LTK: variants seen among roughly 807,000 people sequenced by gnomAD.
The protein encoded by LTK is leukocyte receptor tyrosine kinase.
In LTK, 117 loss-of-function variants were observed where a neutral mutation model predicts 101.5. The ratio of observed to expected loss-of-function variants is 1.15; its 90% CI spans 0.99 to 1.34. The LOEUF is 1.34. Ranked by LOEUF, LTK falls within the 40% of genes most tolerant of loss-of-function variation. LTK has a pLI of 0.00. For missense variants in LTK, 1,252 were observed against 1,164.7 expected (o/e 1.07, Z -1.09); for synonymous variants, 563 against 494.2 (o/e 1.14, Z -1.85).
rs1457410399 is a variant in LTK at position 41,507,226 on chromosome 15, G to A, written c.1410C>T (p.Ser470=). Residue 470 remains serine, a synonymous_variant, in exon 11 of 20, where the codon AGC becomes AGT. Coordinates refer to ENST00000263800, the MANE Select transcript of LTK (RefSeq NM_002344.6). Reference sequence around the variant, plus strand: ...TCCTGATGGCAGAGGTTCGAAGCTTGCTCAGCTCAAGCTCAGGGCTCGGCA... The same window carrying A: ...TCCTGATGGCAGAGGTTCGAAGCTTACTCAGCTCAAGCTCAGGGCTCGGCA... ...MRLPSPELEL[S]KLRTSAIRTA... 2 of 1,613,098 alleles carry A rather than the reference G, an allele frequency of 1.2e-6. No homozygotes were observed. The highest frequency in any genetic ancestry group is 2.2e-5 in the East Asian group (1 of 44,882).
Position 41,507,295 on chromosome 15 carries a change from G to A in LTK, c.1346-5C>T, listed in dbSNP as rs1219713297. 1 of 1,591,112 alleles carries A rather than the reference G, an allele frequency of 6.3e-7. No individual in the cohort carries two copies. The highest frequency in any genetic ancestry group is 1.1e-5 in the South Asian group (1 of 89,178). On this transcript the variant is annotated splice_polypyrimidine_tract_variant and splice_region_variant and intron_variant, in intron 10 of 19. Coordinates refer to ENST00000263800, the MANE Select transcript of LTK (RefSeq NM_002344.6). ...CCTGCCACTTCTTCTGCTTCACTGG[G>A]GGTGGGAAGAATAACGGCACACCCT...
At chr15:41,512,319 C>A in intron 3 of LTK, 54 bp from the exon 4 acceptor site, 1 of 1,496,618 alleles carries the variant, frequency 6.7e-7, no homozygotes, top group Non-Finnish European at 9.0e-7. Context: ...CCGGCCGCTC[C>A]GGGCAGAAGT....
In LTK at chr15:41,513,142, C is replaced by T. The variant is rs780799456; in HGVS notation, c.44-22G>A. 1.9e-6 allele frequency: 3 copies of T among 1,572,034 alleles called. No homozygotes were observed. The East Asian group carries it at 6.9e-5, about 36-fold the overall frequency. On this transcript the variant is annotated intron_variant, in intron 1 of 19. Coordinates refer to ENST00000263800, the MANE Select transcript of LTK (RefSeq NM_002344.6). The stretch of plus-strand genomic sequence containing the variant: ...GCGCCTGAAAGGTGTTGGGAGAAGG[C>T]GCAGGACGTTAAGGCGGGTGGAAAT...
chr15:41,513,522 C>G, intron 1 of LTK, 145 bp downstream of exon 1: 2 of 770,944 alleles, frequency 2.6e-6, no homozygotes. Flanking sequence ...GGCCCGCACT[C>G]CAGAAGCACG....
chr15:41,513,744 C>A lies in LTK; in HGVS notation c.-35G>T, dbSNP rs763652243. 3 of 1,598,006 alleles carry A rather than the reference C, an allele frequency of 1.9e-6. No homozygotes were observed. The highest frequency in any genetic ancestry group is 1.3e-5 in the African/African-American group (1 of 74,730). On this transcript the variant is annotated 5_prime_UTR_variant, in exon 1 of 20. Transcript: ENST00000263800. ...GTCCACCCGGCAACAAAAGCCCTTG[C>A]GGTCGCGGCCACACCCCTGTCAACC...
chr15:41,511,973 G>T lies in LTK; in HGVS notation c.511-10C>A. On this transcript the variant is annotated splice_polypyrimidine_tract_variant and intron_variant, in intron 4 of 19. Coordinates refer to ENST00000263800, the MANE Select transcript of LTK (RefSeq NM_002344.6). The surrounding 1 kb of genome is among the most constrained non-coding windows in gnomAD (Gnocchi z 5.9). ...GGCTCTCCGGGCTACCCTGCGGGCA[G>T]CGGGGGAGGGAATCGGCGGGGCCCG... The T allele has an allele frequency of 6.8e-7, 1 of 1,467,096 alleles. No homozygotes were observed. The highest frequency in any genetic ancestry group is 2.5e-5 in the East Asian group (1 of 39,512). 90.9% of individuals were successfully genotyped at this position (1,467,096 alleles called of 1,614,324 possible). A position where few individuals can be genotyped will look rare whatever the true frequency, so the allele number is the denominator to read the frequency against.
rs939981250 is a variant in LTK at position 41,504,994 on chromosome 15, C to T, written c.1996G>A (p.Gly666Arg). 8.1e-6 allele frequency: 13 copies of T among 1,612,710 alleles called. No homozygotes were observed. The highest frequency in any genetic ancestry group is 1.1e-5 in the Non-Finnish European group (13 of 1,179,346). ...PSRVAKIGDF[G>R]MARDIYRASY... is the part of the protein sequence containing the mutation. ...CACCGGTAGATATCTCGTGCCATCC[C>T]AAAGTCCCCAATCTTGGCCACTCGG... Residue 666 changes from glycine (G) to arginine (R), a missense_variant, in exon 16 of 20, where the codon GGG becomes AGG. By Grantham distance (125) the Gly-to-Arg change is moderately radical. Coordinates refer to ENST00000263800, the MANE Select transcript of LTK (RefSeq NM_002344.6).
In LTK at chr15:41,511,697, G is replaced by A; in HGVS notation, c.658-119C>T. 1 of 1,405,776 alleles carries A rather than the reference G, an allele frequency of 7.1e-7. No homozygotes were observed. 87.1% of individuals were successfully genotyped at this position (1,405,776 alleles called of 1,614,324 possible). ...GGGCAGGGGCCCCCAGCCCAGCCCA[G>A]GCCAGCCCAGCCCAGCGCAGGGATA... On this transcript the variant is annotated intron_variant, in intron 5 of 19. Transcript: ENST00000263800. This position sits in a 1 kb window ranked among gnomAD's most constrained non-coding sequence, Gnocchi z 5.9.
In LTK at chr15:41,513,657, T is replaced by C. The variant is rs1348184176; in HGVS notation, c.43+10A>G. 6.2e-7 allele frequency: 1 copy of C among 1,612,836 alleles called. No individual in the cohort carries two copies. The highest frequency in any genetic ancestry group is 8.5e-7 in the Non-Finnish European group (1 of 1,179,578). ...GCTGGACGGTCCCCTGACCGCCAGA[T>C]AGCACTTACCCGCGGCTCCGAACCA... On this transcript the variant is annotated intron_variant, in intron 1 of 19. Coordinates refer to ENST00000263800, the MANE Select transcript of LTK (RefSeq NM_002344.6).
At chr15:41,513,170 G>T in intron 1 of LTK, 50 bp from the exon 2 acceptor site, 1 of 1,521,944 alleles carries the variant, frequency 6.6e-7, no homozygotes. Context: ...GTGGAAATAG[G>T]ATATGAAAGA....
Position 41,508,941 on chromosome 15 carries a change from G to A in LTK, c.1096+90C>T, listed in dbSNP as rs185237055. ...TGTGCTATGCAAGGTTATTCACAGT[G>A]CAGGTGGCTCTTCAGTGCAGTGCAG... On this transcript the variant is annotated intron_variant, in intron 8 of 19. Transcript: ENST00000263800. 1,679 of 778,748 alleles carry A rather than the reference G, an allele frequency of 2.2e-3. 3 individuals are homozygous for A. The highest frequency in any genetic ancestry group is 3.4e-3 in the Non-Finnish European group (1,573 of 463,074). 48.2% of individuals were successfully genotyped at this position (778,748 alleles called of 1,614,324 possible).
chr15:41,513,211 G>A, intron 1 of LTK, 91 bp from the exon 2 acceptor site: 1 of 1,449,960 alleles, frequency 6.9e-7, no homozygotes, highest in Non-Finnish European at 9.2e-7. Context: ...CTGCCCTTGC[G>A]GTCGCGGCCA....
Position 41,513,106 on chromosome 15 carries a change from A to G in LTK, c.58T>C (p.Ser20Pro). 6.2e-7 allele frequency: 1 copy of G among 1,604,728 alleles called. No homozygotes were observed. Among genetic ancestry groups the G allele is most frequent in the Middle Eastern group, 1.7e-4 (1 of 6,020 alleles). The change falls in exon 2 of 20, where the codon TCT becomes CCT. Residue 20 changes from serine to proline, a missense_variant. Ser to Pro is a moderately conservative substitution (Grantham distance 74, BLOSUM62 -1). Transcript: ENST00000263800. ...WFGAAGAILCSSPGSQETFLR... is the reference protein window; with the variant it reads ...WFGAAGAILCPSPGSQETFLR... ...AAAGTCTCCTGGGACCCCGGGCTAG[A>G]GCAGAGAATGGCGCCTGAAAGGTGT...
intron 2 of LTK, 34 bp from the exon 3 acceptor site, chr15:41,512,912 C>T (rs371346518): frequency 1.2e-6 from 2 of 1,607,410 alleles, no homozygotes; most frequent in South Asian, 1.1e-5. Flanking sequence ...GGTCGTCGAG[C>T]CCCTGGCTGG....
At position 41,511,188 on chromosome 15, in the gene LTK, C is replaced by T. The variant is rs2051445056; in HGVS notation, c.973G>A (p.Gly325Ser). ...FGGGGGACTAGGGGGGYRGGD... is the reference protein window; with the variant it reads ...FGGGGGACTASGGGGGYRGGD... ...CCCCTGTAGCCGCCGCCGCCTCCGC[C>T]CGCAGTGCAGGCCCCGCCGCCGCCC... is the stretch of plus-strand genomic sequence containing the variant. The change falls in exon 7 of 20, where the codon GGC becomes AGC. Residue 325 changes from glycine (G) to serine (S), a missense_variant. Physicochemically the swap from Gly to Ser is moderately conservative, Grantham distance 56. Transcript: ENST00000263800. This position sits in a 1 kb window ranked among gnomAD's most constrained non-coding sequence, Gnocchi z 5.9. 1 of 1,408,996 alleles carries T rather than the reference C, an allele frequency of 7.1e-7. No homozygotes were observed. Among genetic ancestry groups the T allele is most frequent in the Non-Finnish European group, 9.2e-7 (1 of 1,090,182 alleles). 87.3% of individuals were successfully genotyped at this position (1,408,996 alleles called of 1,614,324 possible).
In LTK at chr15:41,503,901, C is replaced by T; in HGVS notation, c.*95G>A. 7.2e-7 allele frequency: 1 copy of T among 1,386,502 alleles called. No homozygotes were observed. Among genetic ancestry groups the T allele is most frequent in the Non-Finnish European group, 9.7e-7 (1 of 1,033,706 alleles). The allele number at this position is 1,386,502 out of a possible 1,614,324, so 85.9% of individuals were successfully genotyped here. ...GACACACAGCACAGACTGCAGGGAACAGAGGCCGCTGGCATAACAGGCCAC... is the reference window on the plus strand; with the variant it reads ...GACACACAGCACAGACTGCAGGGAATAGAGGCCGCTGGCATAACAGGCCAC... On this transcript the variant is annotated 3_prime_UTR_variant, in exon 20 of 20. Coordinates refer to ENST00000263800, the MANE Select transcript of LTK (RefSeq NM_002344.6).
chr15:41,513,528 G>T, intron 1 of LTK, 139 bp downstream of exon 1: 1 of 794,882 alleles, frequency 1.3e-6, no homozygotes, highest in Non-Finnish European at 2.2e-6. Flanking sequence ...CACTCCAGAA[G>T]CACGGACCGG....
Position 41,513,060 on chromosome 15 carries a change from G to T in LTK, c.104C>A (p.Pro35Gln), listed in dbSNP as rs1310320671. The stretch of plus-strand genomic sequence containing the variant: ...GTCCCGGGGGCTGGGACTTGCCAGC[G>T]GCAGGGGCGAGGACCGCAGAAAAGT... ...QETFLRSSPL[P>Q]LASPSPRDPK... is the part of the protein sequence containing the mutation. The change falls in exon 2 of 20, where the codon CCG becomes CAG. Residue 35 changes from proline to glutamine, a missense_variant. Transcript: ENST00000263800. 10 of 1,611,876 alleles carry T rather than the reference G, an allele frequency of 6.2e-6. No individual in the cohort carries two copies. Among genetic ancestry groups the T allele is most frequent in the East Asian group, 4.5e-5 (2 of 44,872 alleles).
Position 41,504,490 on chromosome 15 carries a change from G to A in LTK, c.2255+16C>T, listed in dbSNP as rs561988164. 1 of 1,613,140 alleles carries A rather than the reference G, an allele frequency of 6.2e-7. No individual in the cohort carries two copies. The highest frequency in any genetic ancestry group is 2.2e-5 in the East Asian group (1 of 44,882). ...GGTTGTGAAGGACCTCCCTTCCCGGGCAGCACTCAACTCACACAGGCCCTG... is the reference window on the plus strand; with the variant it reads ...GGTTGTGAAGGACCTCCCTTCCCGGACAGCACTCAACTCACACAGGCCCTG... On this transcript the variant is annotated intron_variant, in intron 18 of 19. Coordinates refer to ENST00000263800, the MANE Select transcript of LTK (RefSeq NM_002344.6).
Sources: gnomAD v4.1 joint callset for allele counts on GRCh38, gnomAD v4.1.1 for gene constraint, Gnocchi (gnomAD v3.1) non-coding constraint, MANE v1.5 for transcripts, NCBI Gene and HGNC (gene_info 2026-07-23, HGNC 2026-07-21) for gene names.